The following PDLIM5 variants were observed in gnomAD, a reference collection of about 807,000 sequenced individuals.
PDLIM5 encodes the protein PDZ and LIM domain protein 5.
PDLIM5 carries 34 observed loss-of-function variants against 64.2 expected under a neutral mutation model. That is an observed-to-expected ratio of 0.53 (90% CI 0.40 to 0.71). The LOEUF (loss-of-function observed/expected upper bound fraction) is 0.71. PDLIM5 is among the 30% of genes least tolerant of loss of function. PDLIM5 has a pLI of 0.00. For missense variants in PDLIM5, 683 were observed against 733.6 expected (o/e 0.93, Z 0.80); for synonymous variants, 253 against 269.1 (o/e 0.94, Z 0.59).
chr4:94,534,717 A>G (rs966840422), intron 3 of PDLIM5, among the ~76,000 whole-genome samples: 3 of 152,176 alleles, frequency 2.0e-5, no homozygotes, highest in Non-Finnish European at 4.4e-5. Flanking sequence ...TCCTCAGTTG[A>G]TAAGTATTAG....
intron 7 of PDLIM5, 152 bp downstream of exon 7, chr4:94,586,596 T>C (rs1736224560): frequency 1.6e-6 from 1 of 608,296 alleles, no homozygotes; most frequent in African/African-American, 1.9e-5. Flanking sequence ...GTGACCTAAA[T>C]GTACAACTTG....
intron 8 of PDLIM5, among the ~76,000 whole-genome samples, chr4:94,638,242 A>T (rs1446254871): frequency 1.3e-5 from 2 of 152,218 alleles, no homozygotes; most frequent in Non-Finnish European, 1.5e-5. Context: ...GGGCTGTGTG[A>T]GCAAATTAGG....
chr4:94,595,603 A>T (rs1181407337), intron 7 of PDLIM5, among the ~76,000 whole-genome samples: 1 of 152,190 alleles, frequency 6.6e-6, no homozygotes, highest in Non-Finnish European at 1.5e-5. Flanking sequence ...TTCTGAACAT[A>T]CTGTTTTGTA....
At chr4:94,546,890 G>A (rs531791458) in intron 3 of PDLIM5, among the ~76,000 whole-genome samples, 2 of 151,256 alleles carry the variant, frequency 1.3e-5, no homozygotes, top group South Asian at 4.2e-4. Context: ...GAAATTGCAT[G>A]TGAATTATTT....
chr4:94,501,790 C>T (rs760218903), intron 2 of PDLIM5, among the ~76,000 whole-genome samples: 1 of 152,160 alleles, frequency 6.6e-6, no homozygotes, highest in Non-Finnish European at 1.5e-5. Flanking sequence ...CAGAGATAGA[C>T]TTCCATCATC....
chr4:94,567,914 C>T (rs78296059), intron 3 of PDLIM5, among the ~76,000 whole-genome samples: 1 of 152,204 alleles, frequency 6.6e-6, no homozygotes, highest in African/African-American at 2.4e-5. Flanking sequence ...AGATGGATCA[C>T]CTAAACAGTT....
At chr4:94,560,872 G>A (rs1367434649) in intron 3 of PDLIM5, among the ~76,000 whole-genome samples, 2 of 151,966 alleles carry the variant, frequency 1.3e-5, no homozygotes, top group Non-Finnish European at 2.9e-5. Context: ...GACTACAGTC[G>A]CCCGCCACCA....
rs183556071 is a variant in PDLIM5, at chr4:94,650,222, G to A, written c.1284-4238G>A. ...CCTGCTTGTGTCTTTGTGTGTAATCGTTTGTGAATGTATTTATGTGCAGTT... is the reference window on the plus strand; with the variant it reads ...CCTGCTTGTGTCTTTGTGTGTAATCATTTGTGAATGTATTTATGTGCAGTT... On this transcript the variant is annotated intron_variant, in intron 9 of 12. Coordinates refer to ENST00000317968, the MANE Select transcript of PDLIM5 (RefSeq NM_006457.5). 6.2e-4 allele frequency among the ~76,000 whole-genome samples: 94 copies of A among 152,140 alleles called. 1 individual carries two copies. The highest frequency in any genetic ancestry group is 7.2e-4 in the Non-Finnish European group (49 of 67,998).
intron 2 of PDLIM5, among the ~76,000 whole-genome samples, chr4:94,494,429 C>CTTTTTTTTTTTTTTTTTT (rs1261064734): frequency 1.2e-4 from 6 of 51,600 alleles, no homozygotes; most frequent in African/African-American, 2.9e-4. Context: ...TTTTTTTTTT[C>CTTTTTTTTTTTTTTTTTT]TTGTTTTTTT....
intron 2 of PDLIM5, among the ~76,000 whole-genome samples, chr4:94,493,503 A>G (rs894036492): frequency 2.0e-5 from 3 of 152,016 alleles, no homozygotes; most frequent in Admixed American, 2.0e-4. Flanking sequence ...TTTGGTAGTG[A>G]CGGAGTTTCA....
intron 3 of PDLIM5, among the ~76,000 whole-genome samples, chr4:94,528,507 T>G (rs930641784): frequency 2.0e-5 from 3 of 151,316 alleles, no homozygotes; most frequent in African/African-American, 7.3e-5. Context: ...AAAAACCATG[T>G]TTTTTTTTAC....
chr4:94,640,238 G>T (rs1740890819), intron 8 of PDLIM5, 38 bp from the exon 9 acceptor site: 2 of 1,172,504 alleles, frequency 1.7e-6, no homozygotes. Flanking sequence ...TTTATATGTG[G>T]CTTATTCTCA....
chr4:94,567,940 G>A (rs1321142747), intron 3 of PDLIM5, among the ~76,000 whole-genome samples: 4 of 152,174 alleles, frequency 2.6e-5, no homozygotes, highest in Non-Finnish European at 4.4e-5. Context: ...CAGTGTAAAA[G>A]TTTTGGGTAG....
At chr4:94,500,703 C>T (rs867388115) in intron 2 of PDLIM5, among the ~76,000 whole-genome samples, 4 of 152,082 alleles carry the variant, frequency 2.6e-5, no homozygotes, top group Non-Finnish European at 2.9e-5. Flanking sequence ...ATAATCGTGT[C>T]TGCTCCTTCC....
chr4:94,581,922 G>A (rs1456640697), intron 5 of PDLIM5, among the ~76,000 whole-genome samples: 2 of 152,114 alleles, frequency 1.3e-5, no homozygotes, highest in Non-Finnish European at 2.9e-5. Context: ...CGCCTTCTGG[G>A]CAATAATTAT....
intron 3 of PDLIM5, among the ~76,000 whole-genome samples, chr4:94,545,305 A>G (rs1732210760): frequency 1.3e-5 from 2 of 152,208 alleles, no homozygotes; most frequent in Admixed American, 1.3e-4. Flanking sequence ...TTACAACTCT[A>G]ATATGTCAGC....
intron 2 of PDLIM5, among the ~76,000 whole-genome samples, chr4:94,510,487 T>A (rs1356435595): frequency 6.6e-6 from 1 of 152,194 alleles, no homozygotes; most frequent in Non-Finnish European, 1.5e-5. Flanking sequence ...TGCCCCTTTT[T>A]CCTGTTGCTG....
intron 8 of PDLIM5, among the ~76,000 whole-genome samples, chr4:94,637,982 T>C (rs2110450708): frequency 6.6e-6 from 1 of 152,200 alleles, no homozygotes; most frequent in African/African-American, 2.4e-5. Context: ...GTTGTTAGGG[T>C]CTGGGGACTA....
intron 2 of PDLIM5, among the ~76,000 whole-genome samples, chr4:94,458,119 T>A (rs1219685812): frequency 1.3e-5 from 2 of 152,202 alleles, no homozygotes; most frequent in Non-Finnish European, 2.9e-5. Flanking sequence ...AGGTTTGCGT[T>A]TAATAACTAA....
Sources: allele counts gnomAD v4.1 joint callset (sites outside exome capture counted in the v4.1 genomes callset), GRCh38; gene constraint gnomAD v4.1.1; transcripts MANE v1.5; gene names NCBI Gene and HGNC (gene_info 2026-07-23, HGNC 2026-07-21).